Variants in MAGI2 observed in about 807,000 individuals in gnomAD.
The protein encoded by MAGI2 is membrane associated guanylate kinase, WW and PDZ domain containing 2, also known as membrane-associated guanylate kinase, WW and PDZ domain-containing protein 2.
In MAGI2, 35 loss-of-function variants were observed where a neutral mutation model predicts 133.3. The ratio of observed to expected loss-of-function variants is 0.26; its 90% CI spans 0.20 to 0.35. The LOEUF is 0.35. Ranked by LOEUF, MAGI2 falls within the 10% of genes least tolerant of loss-of-function variation. The pLI is 1.00. For missense variants in MAGI2, 1,636 were observed against 1,863.4 expected (o/e 0.88, Z 2.25); for synonymous variants, 729 against 710.6 (o/e 1.03, Z -0.41).
intron 21 of MAGI2, chr7:78,073,112 TG>T (rs1212839402): frequency 7.3e-5 from 29 of 396,242 alleles, no homozygotes; most frequent in Non-Finnish European, 1.1e-4. Flanking sequence ...AACAACTGTT[TG>T]ATCCATTCAT....
intron 2 of MAGI2, among the ~76,000 whole-genome samples, chr7:78,885,628 A>AGTGTGTATGT (rs1554596772): frequency 4.2e-4 from 62 of 148,968 alleles, no homozygotes; most frequent in African/African-American, 1.5e-3. Context: ...TGAAAGGAAT[A>AGTGTGTATGT]GTGTGTGTGT....
intron 2 of MAGI2, among the ~76,000 whole-genome samples, chr7:78,813,444 A>G (rs916174084): frequency 6.6e-6 from 1 of 152,236 alleles, no homozygotes; most frequent in Non-Finnish European, 1.5e-5. Flanking sequence ...GAGATAACTG[A>G]TGCAGTAGAA....
chr7:78,694,051 A>G (rs1317633943), intron 2 of MAGI2, among the ~76,000 whole-genome samples: 1 of 152,152 alleles, frequency 6.6e-6, no homozygotes, highest in Non-Finnish European at 1.5e-5. Context: ...CTTGTTCCAC[A>G]ATATAGAAGC....
chr7:78,791,446 T>C (rs1431319250), intron 2 of MAGI2, among the ~76,000 whole-genome samples: 1 of 152,180 alleles, frequency 6.6e-6, no homozygotes, highest in Non-Finnish European at 1.5e-5. Context: ...TCTTCTCTTC[T>C]GGAAGTTTAT....
chr7:79,148,576 G>C (rs1010392618), intron 1 of MAGI2, among the ~76,000 whole-genome samples: 1 of 151,932 alleles, frequency 6.6e-6, no homozygotes, highest in African/African-American at 2.4e-5. Flanking sequence ...TTTCTAACTG[G>C]TTCTTTATTG....
chr7:79,046,185 T>C (rs1490169545), intron 1 of MAGI2, among the ~76,000 whole-genome samples: 3 of 152,206 alleles, frequency 2.0e-5, no homozygotes, highest in Non-Finnish European at 4.4e-5. Context: ...TATGATGACG[T>C]CCTAATCCCT....
At chr7:78,994,298 T>G (rs537281818) in intron 2 of MAGI2, among the ~76,000 whole-genome samples, 27 of 152,234 alleles carry the variant, frequency 1.8e-4, no homozygotes, top group Middle Eastern at 6.8e-3. Context: ...TGTCTCTGTT[T>G]TGATTACCTC....
intron 3 of MAGI2, among the ~76,000 whole-genome samples, chr7:78,575,514 T>A (rs1047137737): frequency 2.0e-5 from 3 of 151,958 alleles, no homozygotes; most frequent in African/African-American, 7.3e-5. Context: ...ACTACATAAA[T>A]GAAAGGGGGT....
At chr7:78,059,545 G>C (rs1160773335) in intron 21 of MAGI2, among the ~76,000 whole-genome samples, 1 of 152,100 alleles carries the variant, frequency 6.6e-6, no homozygotes, top group African/African-American at 2.4e-5. Context: ...TCAAGTTGTA[G>C]AGCCCTTTGC....
intron 3 of MAGI2, among the ~76,000 whole-genome samples, chr7:78,613,169 G>A (rs1216136462): frequency 6.6e-6 from 1 of 151,932 alleles, no homozygotes; most frequent in African/African-American, 2.4e-5. Context: ...GAAGAATCAG[G>A]GTACATTATA....
At chr7:78,741,634 T>C (rs1822444931) in intron 2 of MAGI2, among the ~76,000 whole-genome samples, 2 of 152,160 alleles carry the variant, frequency 1.3e-5, no homozygotes, top group Admixed American at 1.3e-4. Flanking sequence ...AGTGAGGCTC[T>C]AGAGTTAGTG....
intron 2 of MAGI2, among the ~76,000 whole-genome samples, chr7:78,848,630 A>T (rs1792840366): frequency 6.6e-6 from 1 of 151,878 alleles, no homozygotes; most frequent in Non-Finnish European, 1.5e-5. Context: ...GTCTCCTTGC[A>T]CCCTAAAATT....
At chr7:79,191,805 TA>T (rs1827700677) in intron 1 of MAGI2, among the ~76,000 whole-genome samples, 2 of 151,892 alleles carry the variant, frequency 1.3e-5, no homozygotes, top group East Asian at 3.9e-4. Flanking sequence ...TATGCCCTTT[TA>T]AAATTTTGCT....
intron 6 of MAGI2, among the ~76,000 whole-genome samples, chr7:78,480,890 A>T (rs550226523): frequency 6.6e-6 from 1 of 152,064 alleles, no homozygotes; most frequent in South Asian, 2.1e-4. Flanking sequence ...TGCTGAAATT[A>T]CGAAATGCTG....
At chr7:79,067,607 G>A (rs1365241995) in intron 1 of MAGI2, among the ~76,000 whole-genome samples, 2 of 152,108 alleles carry the variant, frequency 1.3e-5, no homozygotes, top group Non-Finnish European at 2.9e-5. Context: ...TCTTTCTCTT[G>A]CCTGATCATC....
At chr7:78,251,652 A>G (rs2150938339) in intron 10 of MAGI2, 1 of 152,348 alleles carries the variant, frequency 6.6e-6, no homozygotes, top group South Asian at 2.1e-4. Flanking sequence ...CTAGAAATAA[A>G]TTGAACAAAA....
intron 1 of MAGI2, among the ~76,000 whole-genome samples, chr7:79,342,966 G>C (rs956148691): frequency 6.6e-6 from 1 of 151,900 alleles, no homozygotes. Context: ...GTTTCACCAT[G>C]TTAGCCAGGC....
intron 1 of MAGI2, among the ~76,000 whole-genome samples, chr7:79,104,780 C>T (rs1170612502): frequency 6.6e-6 from 1 of 152,044 alleles, no homozygotes; most frequent in African/African-American, 2.4e-5. Context: ...AGGAAAGGAC[C>T]TTCTCCTGTT....
chr7:78,076,345 G>A lies in MAGI2; in HGVS notation c.3706+2602C>T, dbSNP rs1403742576. On this transcript the variant is annotated intron_variant, in intron 21 of 21. Transcript: ENST00000354212. ...TTGGTGGCTTGCACCTGTAGTCCCA[G>A]CTACTCAGGAGGCTGAGGCTGAAGA... is the stretch of plus-strand genomic sequence containing the variant. 2.6e-5 allele frequency among the ~76,000 whole-genome samples: 4 copies of A among 151,508 alleles called. No individual in the cohort carries two copies. In the East Asian group the frequency reaches 7.8e-4, roughly 30 times the overall value.
Sources: allele counts gnomAD v4.1 joint callset (sites outside exome capture counted in the v4.1 genomes callset), GRCh38; gene constraint gnomAD v4.1.1; transcripts MANE v1.5; gene names NCBI Gene and HGNC (gene_info 2026-07-23, HGNC 2026-07-21).